Variants in ATP9B observed in about 807,000 individuals in gnomAD.
The protein encoded by ATP9B is probable phospholipid-transporting ATPase IIB.
In ATP9B, 110 loss-of-function variants were observed where a neutral mutation model predicts 146.1. The observed-to-expected ratio is 0.75, with a 90% CI of 0.65 to 0.88. ATP9B has a LOEUF of 0.88. Among genes scored for constraint, ATP9B ranks in the 40% least tolerant of loss-of-function variants. The pLI, the probability that ATP9B is intolerant of heterozygous loss-of-function variation, is 0.00. For missense variants in ATP9B, 1,499 were observed against 1,496.4 expected (o/e 1.00, Z -0.03); for synonymous variants, 604 against 569.7 (o/e 1.06, Z -0.86).
At position 79,220,677 on chromosome 18, in the gene ATP9B, T is replaced by G. The variant is rs147263546; in HGVS notation, c.1107+6639T>G. Reference sequence around the variant, plus strand: ...TATGTCAAGGCAAATTGAGCATCATTTCACATTTTCTAGGTTTATCCAGTA... The same window carrying G: ...TATGTCAAGGCAAATTGAGCATCATGTCACATTTTCTAGGTTTATCCAGTA... On this transcript the variant is annotated intron_variant, in intron 11 of 29. Transcript: ENST00000426216. 2.8e-3 allele frequency among the ~76,000 whole-genome samples: 434 copies of G among 152,330 alleles called. 1 individual carries two copies. The highest frequency in any genetic ancestry group is 1.0e-2 in the African/African-American group (414 of 41,570).
rs145115264 is a variant in ATP9B, at chr18:79,088,152, A to T, written c.120-8324A>T. On this transcript the variant is annotated intron_variant, in intron 1 of 29. Coordinates refer to ENST00000426216, the MANE Select transcript of ATP9B (RefSeq NM_198531.5). ...TTCAAAGGCTCCATTTCTGGAGTTG[A>T]GGTTACAAAACATGATGTTGCTTAT... Among the ~76,000 whole-genome samples the T allele has an allele frequency of 2.9e-4, 44 of 152,352 alleles. 2 individuals carry two copies. The East Asian group carries it at 8.3e-3, about 29-fold the overall frequency.
At position 79,376,214 on chromosome 18, in the gene ATP9B, C is replaced by CACACAAAAAA; in HGVS notation, c.3307+789_3307+790insCACAAAAAAA. Reference sequence around the variant, plus strand: ...ACACACACACACACACACACACACACAAAACAAAACAAAAAAATGGCTAGC... The same window carrying CACACAAAAAA: ...ACACACACACACACACACACACACACACACAAAAAAAAAACAAAACAAAAAAATGGCTAGC... On this transcript the variant is annotated intron_variant, in intron 29 of 29. Coordinates refer to ENST00000426216, the MANE Select transcript of ATP9B (RefSeq NM_198531.5). The CACACAAAAAA allele has an allele frequency of 2.2e-3, 1,953 of 869,448 alleles. 19 individuals are homozygous for CACACAAAAAA. Among genetic ancestry groups the CACACAAAAAA allele is most frequent in the African/African-American group, 8.7e-3 (405 of 46,518 alleles). The allele number at this position is 869,448 out of a possible 1,614,324, so 53.9% of individuals were successfully genotyped here. A position where few individuals can be genotyped will look rare whatever the true frequency, so the allele number is the denominator to read the frequency against.
At chr18:79,372,520 T>C (rs1386387779) in intron 26 of ATP9B, 5 of 536,858 alleles carry the variant, frequency 9.3e-6, no homozygotes, top group East Asian at 4.4e-5. Context: ...CCTGGTTCAC[T>C]GAAATGTTTG....
At chr18:79,114,844 TGG>T (rs2094038169) in intron 4 of ATP9B, 1 of 152,518 alleles carries the variant, frequency 6.6e-6, no homozygotes, top group Non-Finnish European at 1.5e-5. Flanking sequence ...GGAGGGTCAT[TGG>T]TAATATATAT....
chr18:79,073,479 C>T (rs1022849053), intron 1 of ATP9B, among the ~76,000 whole-genome samples: 7 of 152,202 alleles, frequency 4.6e-5, no homozygotes, highest in Non-Finnish European at 1.0e-4. Flanking sequence ...AATACAAAAA[C>T]CAGTCAGGCG....
intron 2 of ATP9B, 140 bp downstream of exon 2, chr18:79,096,789 T>G: frequency 4.1e-6 from 3 of 730,196 alleles, no homozygotes; most frequent in Middle Eastern, 4.1e-4. Context: ...TATCAGTACA[T>G]TAATCAAAGC....
chr18:79,189,257 G>C (rs2095338876), intron 8 of ATP9B, among the ~76,000 whole-genome samples: 2 of 152,058 alleles, frequency 1.3e-5, no homozygotes, highest in African/African-American at 4.8e-5. Flanking sequence ...TGAGGCCAGA[G>C]AATCGCTTGA....
At chr18:79,317,059 A>C (rs1008624332) in intron 15 of ATP9B, among the ~76,000 whole-genome samples, 11 of 152,234 alleles carry the variant, frequency 7.2e-5, no homozygotes, top group African/African-American at 2.7e-4. Flanking sequence ...TAAATTTCAA[A>C]ATTGACTCCA....
chr18:79,208,358 C>T (rs994801675), intron 10 of ATP9B, among the ~76,000 whole-genome samples: 1 of 152,174 alleles, frequency 6.6e-6, no homozygotes, highest in Non-Finnish European at 1.5e-5. Flanking sequence ...AGGCAGGTGG[C>T]AGAAACAGTG....
intron 25 of ATP9B, among the ~76,000 whole-genome samples, chr18:79,349,566 G>A (rs897131871): frequency 2.6e-5 from 4 of 152,182 alleles, no homozygotes; most frequent in East Asian, 1.9e-4. Flanking sequence ...TCTAAACACC[G>A]TTTCACTCGA....
chr18:79,375,530 G>C, intron 29 of ATP9B, 104 bp downstream of exon 29: 2 of 1,528,572 alleles, frequency 1.3e-6, no homozygotes, highest in Non-Finnish European at 1.8e-6. Flanking sequence ...CTAATTCAGT[G>C]TTCCTCAGGA....
At chr18:79,344,510 C>T (rs558255619) in intron 21 of ATP9B, among the ~76,000 whole-genome samples, 156 bp downstream of exon 21, 1 of 151,590 alleles carries the variant, frequency 6.6e-6, no homozygotes, top group Admixed American at 6.6e-5. Context: ...CAAGGCTGGA[C>T]CCTGGCCCAG....
intron 17 of ATP9B, among the ~76,000 whole-genome samples, chr18:79,336,073 G>A (rs1350828255): frequency 7.1e-6 from 1 of 140,944 alleles, no homozygotes; most frequent in African/African-American, 2.6e-5. Context: ...TGCTCCCCTC[G>A]CCCGTCCCCA....
intron 28 of ATP9B, among the ~76,000 whole-genome samples, chr18:79,374,532 G>T (rs112030335): frequency 1.5e-3 from 207 of 134,184 alleles, no homozygotes; most frequent in South Asian, 3.0e-3. Context: ...TCCCCTGACA[G>T]GAGGCGCTGA....
At chr18:79,130,440 C>T (rs113628264) in intron 5 of ATP9B, among the ~76,000 whole-genome samples, 2,030 of 151,682 alleles carry the variant, frequency 0.013, 16 homozygotes, top group Middle Eastern at 0.031. Flanking sequence ...AAAACAAAAC[C>T]GCTCTTAAGA....
chr18:79,227,036 C>T lies in ATP9B; in HGVS notation c.1107+12998C>T, dbSNP rs1462771737. On this transcript the variant is annotated intron_variant, in intron 11 of 29. Coordinates refer to ENST00000426216, the MANE Select transcript of ATP9B (RefSeq NM_198531.5). ...ATATACTAGGCACTTCTTGCATTGT[C>T]GTATTGTGACTTGTGGTTTTCTCTT... is the stretch of plus-strand genomic sequence containing the variant. Among the ~76,000 whole-genome samples the T allele has an allele frequency of 2.6e-5, 4 of 152,260 alleles. No individual in the cohort carries two copies. The East Asian group carries it at 5.8e-4, about 22-fold the overall frequency.
intron 11 of ATP9B, among the ~76,000 whole-genome samples, chr18:79,218,621 GCTT>G (rs1245474391): frequency 6.6e-6 from 1 of 152,094 alleles, no homozygotes; most frequent in Non-Finnish European, 1.5e-5. Flanking sequence ...GGCAGCTCCT[GCTT>G]CTTGTCATAT....
At chr18:79,148,658 C>T (rs144993197) in intron 6 of ATP9B, among the ~76,000 whole-genome samples, 74 of 152,310 alleles carry the variant, frequency 4.9e-4, no homozygotes, top group African/African-American at 1.7e-3. Flanking sequence ...CTCTCTGAGA[C>T]TGGCGACAAG....
intron 26 of ATP9B, among the ~76,000 whole-genome samples, chr18:79,365,351 G>T (rs554788123): frequency 2.6e-5 from 4 of 152,234 alleles, no homozygotes; most frequent in African/African-American, 9.6e-5. Context: ...TACCAGCAAC[G>T]TGAAAGGCTG....
Sources: gnomAD v4.1 joint callset for allele counts (sites outside exome capture counted in the v4.1 genomes callset) on GRCh38, gnomAD v4.1.1 for gene constraint, MANE v1.5 for transcripts, NCBI Gene and HGNC (gene_info 2026-07-23, HGNC 2026-07-21) for gene names.